The following ATRX variants were observed in gnomAD, a reference collection of about 807,000 sequenced individuals.
ATRX encodes the protein ATRX chromatin remodeler, also known as chromatin remodeler ATRX.
In ATRX, 12 loss-of-function variants were observed where a neutral mutation model predicts 172.6. That is an observed-to-expected ratio of 0.07 (90% confidence interval 0.04 to 0.11). The LOEUF (loss-of-function observed/expected upper bound fraction) is 0.11, where lower values mean the gene tolerates loss of function less well. Ranked by LOEUF, ATRX falls within the 10% of genes least tolerant of loss-of-function variation. The pLI is 1.00. For synonymous variants in ATRX, 674 were observed against 594.7 expected, an observed-to-expected ratio of 1.13 and a Z score of -1.94; for missense variants, 1,368 against 1,767.4, an observed-to-expected ratio of 0.77 and a Z score of 4.05.
intron 4 of ATRX, 78 bp from the exon 5 acceptor site, chrX:77,696,782 T>C: frequency 9.6e-7 from 1 of 1,041,923 alleles, no homozygotes; most frequent in Non-Finnish European, 1.3e-6. Flanking sequence ...AAATAACATG[T>C]TGAGATTGAG....
intron 1 of ATRX, among the ~76,000 whole-genome samples, chrX:77,782,188 T>G (rs782015761): frequency 8.9e-6 from 1 of 112,154 alleles, no homozygotes; most frequent in African/African-American, 3.2e-5. Flanking sequence ...TCCAAGGGCC[T>G]GGTTTCATGC....
At chrX:77,709,975 G>A (rs990836157) in intron 2 of ATRX, among the ~76,000 whole-genome samples, 6 of 111,602 alleles carry the variant, frequency 5.4e-5, no homozygotes, top group Non-Finnish European at 1.1e-4. Context: ...AATCGGCCCA[G>A]ATTTGCTTTA....
At chrX:77,716,317 A>ATATATAT (rs1443099581) in intron 2 of ATRX, among the ~76,000 whole-genome samples, 20 of 52,809 alleles carry the variant, frequency 3.8e-4, no homozygotes, top group Non-Finnish European at 7.3e-4. Flanking sequence ...AAAAAAAAAA[A>ATATATAT]AAAAAAATAT....
In ATRX at chrX:77,522,419, A is replaced by T. The variant is rs370958666; in HGVS notation, c.6850-31T>A. 8.1e-5 allele frequency: 97 copies of T among 1,200,964 alleles called. No individual in the cohort carries two copies. The African/African-American group carries it at 1.6e-3, about 20-fold the overall frequency. ...AACAAAAAAATTATGCACTTTTCAC[A>T]TTGTGATTTAAAACTTGAAATTCTA... On this transcript the variant is annotated intron_variant, in intron 31 of 34. Coordinates refer to ENST00000373344, the MANE Select transcript of ATRX (RefSeq NM_000489.6).
chrX:77,697,093 C>T (rs2072228366), intron 4 of ATRX, among the ~76,000 whole-genome samples: 2 of 112,021 alleles, frequency 1.8e-5, no homozygotes, highest in African/African-American at 3.2e-5. Context: ...ATATTGGGTA[C>T]TACATTATGT....
At chrX:77,680,806 CAAT>C (rs1286429906) in intron 9 of ATRX, among the ~76,000 whole-genome samples, 1 of 110,904 alleles carries the variant, frequency 9.0e-6, no homozygotes, top group East Asian at 2.8e-4. Context: ...AAAATAACTT[CAAT>C]AATAAAAACT....
At chrX:77,785,438 T>TC (rs1220944918) in intron 1 of ATRX, among the ~76,000 whole-genome samples, 1 of 107,974 alleles carries the variant, frequency 9.3e-6, no homozygotes, top group Non-Finnish European at 1.9e-5. Flanking sequence ...CACAACCCAA[T>TC]CAAAAAAAGG....
At chrX:77,529,840 C>T (rs2063511183) in intron 30 of ATRX, among the ~76,000 whole-genome samples, 1 of 111,519 alleles carries the variant, frequency 9.0e-6, no homozygotes, top group South Asian at 3.8e-4. Flanking sequence ...AATTAGACTC[C>T]CATACAATAA....
In ATRX at chrX:77,660,758, C is replaced by T. The variant is rs2069841930; in HGVS notation, c.4120+2624G>A. Among the ~76,000 whole-genome samples, 3 of 110,522 alleles carry T rather than the reference C, an allele frequency of 2.7e-5. No homozygotes were observed. The South Asian group carries it at 1.1e-3, about 42-fold the overall frequency. ...TAGTGAATAACTCTTGCCCAAAAGCCCTATAAATGTTTAGGATTCCAAGAC... is the reference window on the plus strand; with the variant it reads ...TAGTGAATAACTCTTGCCCAAAAGCTCTATAAATGTTTAGGATTCCAAGAC... On this transcript the variant is annotated intron_variant, in intron 12 of 34. Coordinates refer to ENST00000373344, the MANE Select transcript of ATRX (RefSeq NM_000489.6).
chrX:77,538,842 A>G (rs782242070), intron 30 of ATRX, among the ~76,000 whole-genome samples: 10 of 110,706 alleles, frequency 9.0e-5, no homozygotes, highest in Middle Eastern at 4.6e-3. Flanking sequence ...AAGTAAAGGT[A>G]AAGGGCCTTG....
chrX:77,766,919 GC>G (rs2148929896), intron 1 of ATRX, among the ~76,000 whole-genome samples: 1 of 112,700 alleles, frequency 8.9e-6, no homozygotes, highest in Admixed American at 9.3e-5. Flanking sequence ...CTGCACTCCA[GC>G]CTGGGCACCA....
At chrX:77,655,456 T>C (rs782164630) in intron 13 of ATRX, among the ~76,000 whole-genome samples, 4 of 111,074 alleles carry the variant, frequency 3.6e-5, no homozygotes, top group Non-Finnish European at 7.6e-5. Flanking sequence ...GGATATACAT[T>C]ATATGAATCA....
At chrX:77,585,436 C>T (rs183181529) in intron 27 of ATRX, among the ~76,000 whole-genome samples, 5 of 104,961 alleles carry the variant, frequency 4.8e-5, no homozygotes, top group Admixed American at 1.0e-4. Context: ...ATTAGCTGGG[C>T]GTGGTAGTGT....
rs1425027955 is a variant in ATRX at position 77,615,965 on chromosome X, T to G, written c.5566+648A>C. The G allele has an allele frequency of 7.9e-5, 59 of 751,132 alleles. 1 individual carries two copies. The highest frequency in any genetic ancestry group is 9.2e-5 in the Non-Finnish European group (59 of 638,513). 61.9% of individuals were successfully genotyped at this position (751,132 alleles called of 1,213,427 possible). A position where few individuals can be genotyped will look rare whatever the true frequency, so the allele number is the denominator to read the frequency against. On this transcript the variant is annotated intron_variant, in intron 22 of 34. Coordinates refer to ENST00000373344, the MANE Select transcript of ATRX (RefSeq NM_000489.6). ...AGAAATCTCACTCCAGTCCAAAGAT[T>G]AGGTTTTGTTGTGTGAAGACAGACA...
At chrX:77,763,320 T>G (rs999632497) in intron 1 of ATRX, among the ~76,000 whole-genome samples, 2 of 108,751 alleles carry the variant, frequency 1.8e-5, no homozygotes, top group African/African-American at 6.7e-5. Flanking sequence ...AATTTTTGTG[T>G]TTTTAGTAGA....
intron 2 of ATRX, 80 bp downstream of exon 2, chrX:77,717,051 A>C: frequency 7.1e-6 from 6 of 844,393 alleles, no homozygotes; most frequent in Middle Eastern, 6.1e-4. Context: ...TCTCTGAATA[A>C]AATAAATGGT....
chrX:77,706,685 A>C (rs1174741115), intron 2 of ATRX, among the ~76,000 whole-genome samples: 1 of 110,734 alleles, frequency 9.0e-6, no homozygotes, highest in Non-Finnish European at 1.9e-5. Flanking sequence ...GGATCGCCTG[A>C]GGCCAGGAGT....
Position 77,735,637 on chromosome X carries a change from A to T in ATRX, c.21-18394T>A, listed in dbSNP as rs370079325. Among the ~76,000 whole-genome samples the T allele has an allele frequency of 2.2e-4, 19 of 86,472 alleles. No individual in the cohort carries two copies. The South Asian group carries it at 2.3e-3, about 10-fold the overall frequency. The allele number at this position is 86,472 out of a possible 115,157, so 75.1% of individuals were successfully genotyped here. A position where few individuals can be genotyped will look rare whatever the true frequency, so the allele number is the denominator to read the frequency against. ...AAATAAATAAATAAATAAATAAATA[A>T]AAATAAATACAAAAATCAGACGGGC... On this transcript the variant is annotated intron_variant, in intron 1 of 34. Coordinates refer to ENST00000373344, the MANE Select transcript of ATRX (RefSeq NM_000489.6).
chrX:77,635,370 T>C (rs2068299189), intron 16 of ATRX, among the ~76,000 whole-genome samples: 2 of 111,682 alleles, frequency 1.8e-5, no homozygotes, highest in African/African-American at 3.3e-5. Context: ...CCTTTGAGTT[T>C]ATTGAGTCAA....
Sources: allele counts gnomAD v4.1 joint callset (sites outside exome capture counted in the v4.1 genomes callset), GRCh38; gene constraint gnomAD v4.1.1; transcripts MANE v1.5; gene names NCBI Gene and HGNC (gene_info 2026-07-23, HGNC 2026-07-21).